CDH2: variants seen among roughly 807,000 people sequenced by gnomAD.
CDH2 encodes cadherin-2.
Under a neutral mutation model 92.0 loss-of-function variants are expected in CDH2, and 17 were observed. The ratio of observed to expected loss-of-function variants is 0.18; its 90% CI spans 0.13 to 0.28. The LOEUF is 0.28. Ranked by LOEUF, CDH2 falls within the 10% of genes least tolerant of loss-of-function variation. The pLI is 1.00. For synonymous variants in CDH2, 419 were observed against 415.9 expected, an observed-to-expected ratio of 1.01 and a Z score of -0.09; for missense variants, 862 against 1,133.1, an observed-to-expected ratio of 0.76 and a Z score of 3.44.
At chr18:27,969,268 T>C (rs2011601496) in intron 14 of CDH2, among the ~76,000 whole-genome samples, 1 of 152,198 alleles carries the variant, frequency 6.6e-6, no homozygotes, top group Admixed American at 6.5e-5. Flanking sequence ...ATCTCTGTTC[T>C]CTCTCTTCAT....
chr18:27,942,973 CTT>C lies in CDH2; in HGVS notation c.1152-9851_1152-9850del, dbSNP rs1407613443. Among the ~76,000 whole-genome samples, 3 of 152,286 alleles carry C rather than the reference CTT, an allele frequency of 2.0e-5. No homozygotes were observed. The East Asian group carries it at 5.8e-4, about 29-fold the overall frequency. ...CCATTATGTTTTCTAAAAGTTTCCT[CTT>C]GTCCTGAGGTCTCCCATTCATCTCC... On this transcript the variant is annotated intron_variant, in intron 6 of 6. Transcript: ENST00000675173.
rs1230271634 is a variant in CDH2 at position 28,037,912 on chromosome 18, TA to T, written c.173-24004del. On this transcript the variant is annotated intron_variant, in intron 2 of 15. Coordinates refer to ENST00000269141, the MANE Select transcript of CDH2 (RefSeq NM_001792.5). ...CAGGAATCTCAAAAGAAGAAACATA[TA>T]AAAAAAGATGATGAAGAAAGAATCC... Among the ~76,000 whole-genome samples the T allele has an allele frequency of 2.0e-5, 3 of 151,566 alleles. No individual in the cohort carries two copies. The South Asian group carries it at 6.2e-4, about 32-fold the overall frequency.
chr18:28,018,014 C>G (rs1479602392), intron 2 of CDH2, among the ~76,000 whole-genome samples: 1 of 152,050 alleles, frequency 6.6e-6, no homozygotes, highest in African/African-American at 2.4e-5. Context: ...CTAGAAAACT[C>G]TAACTCATCC....
At chr18:28,151,803 G>A (rs1225950396) in intron 1 of CDH2, among the ~76,000 whole-genome samples, 1 of 152,202 alleles carries the variant, frequency 6.6e-6, no homozygotes, top group Non-Finnish European at 1.5e-5. Flanking sequence ...GGGTTGGCAA[G>A]CTTTTTCTGT....
intron 2 of CDH2, among the ~76,000 whole-genome samples, chr18:28,063,238 T>G (rs1045078715): frequency 2.6e-5 from 4 of 152,202 alleles, no homozygotes; most frequent in Non-Finnish European, 5.9e-5. Context: ...TTTTCTTGTA[T>G]CTTGAAGCTT....
At chr18:27,963,289 G>T in intron 15 of CDH2, 68 bp downstream of exon 15, 1 of 1,442,118 alleles carries the variant, frequency 6.9e-7, no homozygotes, top group Non-Finnish European at 9.7e-7. Context: ...GCAATTTGTG[G>T]CCTACAGAGA....
At chr18:27,983,831 T>C (rs1032810104) in intron 13 of CDH2, among the ~76,000 whole-genome samples, 9 of 152,232 alleles carry the variant, frequency 5.9e-5, no homozygotes, top group African/African-American at 1.7e-4. Context: ...CTTGATAACA[T>C]TGGCATCTAT....
At chr18:28,171,826 G>A (rs983718152) in intron 1 of CDH2, among the ~76,000 whole-genome samples, 13 of 152,052 alleles carry the variant, frequency 8.5e-5, no homozygotes, top group Middle Eastern at 3.2e-3. Flanking sequence ...TGAGGTCACG[G>A]GACTTTAAGA....
chr18:28,117,383 C>T (rs565914237), intron 2 of CDH2, among the ~76,000 whole-genome samples: 14 of 152,162 alleles, frequency 9.2e-5, no homozygotes, highest in East Asian at 1.9e-4. Flanking sequence ...ACCTGGCCCA[C>T]GCTGTGGCAT....
intron 6 of CDH2, among the ~76,000 whole-genome samples, chr18:27,942,193 A>G (rs1423111903): frequency 6.6e-6 from 1 of 152,230 alleles, no homozygotes; most frequent in Non-Finnish European, 1.5e-5. Context: ...GTTCTTATGG[A>G]AGTTCTGTCT....
chr18:28,066,034 C>A (rs2014499586), intron 2 of CDH2, among the ~76,000 whole-genome samples: 2 of 152,098 alleles, frequency 1.3e-5, no homozygotes, highest in South Asian at 4.1e-4. Flanking sequence ...TGTCATTCTC[C>A]CTATTTGTGC....
chr18:28,073,070 T>G (rs1296021408), intron 2 of CDH2, among the ~76,000 whole-genome samples: 1 of 152,132 alleles, frequency 6.6e-6, no homozygotes, highest in Non-Finnish European at 1.5e-5. Context: ...ATATAATCAT[T>G]TTATAGATGC....
intron 14 of CDH2, among the ~76,000 whole-genome samples, chr18:27,981,564 T>C (rs967850761): frequency 1.3e-5 from 2 of 152,190 alleles, no homozygotes; most frequent in Admixed American, 1.3e-4. Flanking sequence ...CCTGGCTCTG[T>C]GGGTTACAAA....
chr18:28,104,169 G>A (rs778152048), intron 2 of CDH2, among the ~76,000 whole-genome samples: 9 of 152,026 alleles, frequency 5.9e-5, no homozygotes, highest in Non-Finnish European at 1.2e-4. Flanking sequence ...TTATGATGAA[G>A]AACTACTATA....
chr18:28,006,539 G>A (rs1451700985), intron 5 of CDH2, among the ~76,000 whole-genome samples: 5 of 150,970 alleles, frequency 3.3e-5, no homozygotes, highest in African/African-American at 7.3e-5. Flanking sequence ...CCAACATGGC[G>A]AAACCCCGTC....
intron 2 of CDH2, among the ~76,000 whole-genome samples, chr18:28,104,473 T>A (rs1176759081): frequency 1.3e-5 from 2 of 151,850 alleles, no homozygotes; most frequent in Non-Finnish European, 2.9e-5. Flanking sequence ...GAATTCAAAC[T>A]AACTGTTTTA....
chr18:28,015,744 G>A (rs921797636), intron 2 of CDH2, among the ~76,000 whole-genome samples: 1 of 151,958 alleles, frequency 6.6e-6, no homozygotes, highest in African/African-American at 2.4e-5. Flanking sequence ...AAGCCTCCTG[G>A]GTAGTCTTCC....
chr18:28,003,353 C>T (rs2144011093), intron 6 of CDH2, among the ~76,000 whole-genome samples, 184 bp from the exon 7 acceptor site: 1 of 152,172 alleles, frequency 6.6e-6, no homozygotes, highest in South Asian at 2.1e-4. Context: ...AAGATAAAAC[C>T]TGGTCTGGAT....
intron 2 of CDH2, among the ~76,000 whole-genome samples, chr18:28,106,363 G>A (rs2015321195): frequency 6.6e-6 from 1 of 152,034 alleles, no homozygotes; most frequent in African/African-American, 2.4e-5. Flanking sequence ...GTTGCAGTGA[G>A]CCGAGATGGC....
Sources: allele counts gnomAD v4.1 joint callset (sites outside exome capture counted in the v4.1 genomes callset), GRCh38; gene constraint gnomAD v4.1.1; transcripts MANE v1.5; gene names NCBI Gene and HGNC (gene_info 2026-07-23, HGNC 2026-07-21).